Variants in ZNF217 observed in about 807,000 individuals in gnomAD.
The protein encoded by ZNF217 is zinc finger protein 217.
Under a neutral mutation model 73.3 loss-of-function variants are expected in ZNF217, and 12 were observed. The ratio of observed to expected loss-of-function variants is 0.16; its 90% CI spans 0.10 to 0.27. The LOEUF is 0.27. ZNF217 is among the 10% of genes least tolerant of loss of function. The pLI is 1.00. For missense variants in ZNF217, 1,195 were observed against 1,327.8 expected, an observed-to-expected ratio of 0.90 and a Z score of 1.55; for synonymous variants, 588 against 516.4, an observed-to-expected ratio of 1.14 and a Z score of -1.88.
At chr20:53,596,269 G>A (rs575685624), upstream of ZNF217, among the ~76,000 whole-genome samples, 4 of 151,532 alleles carry the variant, frequency 2.6e-5, no homozygotes, top group East Asian at 7.7e-4. Flanking sequence ...GCCTTATTAT[G>A]TTGTAGCTTT....
Position 53,581,198 on chromosome 20 carries a change from G to A in ZNF217, c.1366+263C>T, listed in dbSNP as rs1600722612. ...TTAAAGTGTGTTTTGTGAGCAAAAC[G>A]ATACACGTTTAAAAAATATATATAT... On this transcript the variant is annotated intron_variant, in intron 2 of 5. Transcript: ENST00000371471. The surrounding 1 kb of genome is among the most constrained non-coding windows in gnomAD (Gnocchi z 4.9). Among the ~76,000 whole-genome samples the A allele has an allele frequency of 6.6e-6, 1 of 151,926 alleles. No individual in the cohort carries two copies. The highest frequency in any genetic ancestry group is 6.6e-5 in the Admixed American group (1 of 15,224).
At chr20:53,589,606 C>A (rs559788433) in intron 1 of ZNF217, among the ~76,000 whole-genome samples, 1 of 152,224 alleles carries the variant, frequency 6.6e-6, no homozygotes, top group Non-Finnish European at 1.5e-5. Context: ...GGTCCCTGTT[C>A]TTCCACTTCC....
intron 4 of ZNF217, chr20:53,572,676 C>T (rs745599781): frequency 2.0e-5 from 3 of 152,152 alleles, no homozygotes; most frequent in Non-Finnish European, 4.4e-5. Flanking sequence ...AGAGTGTTGT[C>T]ACCACACAGA....
chr20:53,593,736 G>C lies in ZNF217; in HGVS notation c.-343+20C>G, dbSNP rs1430465673. 2 of 151,164 alleles carry C rather than the reference G, an allele frequency of 1.3e-5. No individual in the cohort carries two copies. Among genetic ancestry groups the C allele is most frequent in the Non-Finnish European group, 3.0e-5 (2 of 67,684 alleles). The allele number at this position is 151,164 out of a possible 1,614,324, so 9.4% of individuals were successfully genotyped here. ...GGCGGGCGCCCCGGCTGGCGCGGGCGGGGGGCGCGCCCCCTTTACCTGCGG... is the reference window on the plus strand; with the variant it reads ...GGCGGGCGCCCCGGCTGGCGCGGGCCGGGGGCGCGCCCCCTTTACCTGCGG... On this transcript the variant is annotated intron_variant, in intron 1 of 5. Coordinates refer to ENST00000371471, the MANE Select transcript of ZNF217 (RefSeq NM_006526.3).
intron 1 of ZNF217, among the ~76,000 whole-genome samples, chr20:53,584,692 G>A (rs1329176811): frequency 6.6e-6 from 1 of 152,184 alleles, no homozygotes; most frequent in African/African-American, 2.4e-5. Flanking sequence ...ACTATAGGAT[G>A]GCCTTTACAG....
At chr20:53,594,405 G>T (rs1261997709), upstream of ZNF217, among the ~76,000 whole-genome samples, 1 of 142,660 alleles carries the variant, frequency 7.0e-6, no homozygotes, top group African/African-American at 2.6e-5. Context: ...CCGCCCCAGC[G>T]CCCACGTGAC....
rs143915391 is a variant in ZNF217 at position 53,582,791 on chromosome 20, T to A, written c.36A>T (p.Gln12His). The change falls in exon 2 of 6, where the codon CAA (glutamine) becomes CAT (histidine). Residue 12 changes from glutamine (Q) to histidine (H), a missense_variant. Gln to His is a conservative substitution (Grantham distance 24). Around this residue, in one of 9 missense-constraint regions of ZNF217, gnomAD observed 147 missense variants for 184.3 expected, o/e 0.80. Coordinates refer to ENST00000371471, the MANE Select transcript of ZNF217 (RefSeq NM_006526.3). The surrounding 1 kb of genome is among the most constrained non-coding windows in gnomAD (Gnocchi z 4.8). The part of the protein sequence containing the change: ...QSKVTGNMPT[Q>H]SLLMYMDGPE... The stretch of plus-strand genomic sequence containing the variant: ...GCCCATCCATGTACATTAAGAGGGA[T>A]TGAGTTGGCATGTTTCCTGTCACTT... 1 of 1,609,128 alleles carries A rather than the reference T, an allele frequency of 6.2e-7. No individual in the cohort carries two copies. Among genetic ancestry groups the A allele is most frequent in the South Asian group, 1.1e-5 (1 of 90,528 alleles).
chr20:53,593,717 C>G (rs1250414744), intron 1 of ZNF217, 39 bp downstream of exon 1: 1 of 151,322 alleles, frequency 6.6e-6, no homozygotes, highest in South Asian at 2.1e-4. Context: ...ACCGGGCGGG[C>G]GCCCCGGCTG....
chr20:53,583,191 G>A (rs973046561), intron 1 of ZNF217, 23 bp from the exon 2 acceptor site: 2 of 409,140 alleles, frequency 4.9e-6, no homozygotes, highest in East Asian at 3.5e-5. Flanking sequence ...AAACAGAAAC[G>A]GTTAGCTACA....
intron 4 of ZNF217, chr20:53,575,156 C>A (rs1988199957): frequency 6.6e-6 from 1 of 152,194 alleles, no homozygotes; most frequent in Non-Finnish European, 1.5e-5. Context: ...CCAGCCCGGG[C>A]AACAAAGCAA....
At chr20:53,589,036 C>A (rs982296786) in intron 1 of ZNF217, among the ~76,000 whole-genome samples, 1 of 152,168 alleles carries the variant, frequency 6.6e-6, no homozygotes, top group Non-Finnish European at 1.5e-5. Context: ...AACTATTACT[C>A]CTAACGCTGA....
At chr20:53,589,822 C>T (rs1367530802) in intron 1 of ZNF217, among the ~76,000 whole-genome samples, 3 of 152,080 alleles carry the variant, frequency 2.0e-5, no homozygotes, top group Admixed American at 2.0e-4. Context: ...TTCCTTCACC[C>T]GAATTTAAGA....
chr20:53,569,175 A>T lies in ZNF217; in HGVS notation c.*113T>A. 2.2e-6 allele frequency: 3 copies of T among 1,347,638 alleles called. No individual in the cohort carries two copies. The highest frequency in any genetic ancestry group is 3.0e-6 in the Non-Finnish European group (3 of 1,011,928). The allele number at this position is 1,347,638 out of a possible 1,614,324, so 83.5% of individuals were successfully genotyped here. On this transcript the variant is annotated 3_prime_UTR_variant, in exon 6 of 6. Coordinates refer to ENST00000371471, the MANE Select transcript of ZNF217 (RefSeq NM_006526.3). Reference sequence around the variant, plus strand: ...TATGTTTTATGTACAGTACAATCACAGCTTATTTCAGTAGCTTTCACCATT... The same window carrying T: ...TATGTTTTATGTACAGTACAATCACTGCTTATTTCAGTAGCTTTCACCATT...
rs572472644 is a variant in ZNF217 at position 53,567,403 on chromosome 20, G to A, written c.*1885C>T. On this transcript the variant is annotated 3_prime_UTR_variant, in exon 6 of 6. Coordinates refer to ENST00000371471, the MANE Select transcript of ZNF217 (RefSeq NM_006526.3). ...ACATTCAGAAATGTGGTTAAAAAGA[G>A]AAATCTGAAAGCCCAAAAAATTCCA... The A allele has an allele frequency of 1.3e-5, 2 of 152,732 alleles. No homozygotes were observed. The highest frequency in any genetic ancestry group is 4.1e-4 in the South Asian group (2 of 4,832). 9.5% of individuals were successfully genotyped at this position (152,732 alleles called of 1,614,324 possible).
Position 53,581,548 on chromosome 20 carries a change from G to A in ZNF217, c.1279C>T (p.Pro427Ser). ...TCCACGGCTCCATTTTCATCCAGAG[G>A]GGCGGCGAGGTCAGGAGAACACGTC... ...PGTCSPDLAA[P>S]LDENGAVDRG... is the part of the protein sequence containing the mutation. Residue 427 changes from proline to serine, a missense_variant, in exon 2 of 6, where the codon CCT (proline) becomes TCT (serine). Physicochemically the swap from Pro to Ser is moderately conservative, Grantham distance 74. Coordinates refer to ENST00000371471, the MANE Select transcript of ZNF217 (RefSeq NM_006526.3). This position sits in a 1 kb window ranked among gnomAD's most constrained non-coding sequence, Gnocchi z 4.9. The A allele has an allele frequency of 6.2e-7, 1 of 1,614,210 alleles. No homozygotes were observed. Among genetic ancestry groups the A allele is most frequent in the East Asian group, 2.2e-5 (1 of 44,882 alleles).
intron 4 of ZNF217, chr20:53,572,526 G>GA (rs994883402): frequency 6.6e-6 from 1 of 152,144 alleles, no homozygotes; most frequent in Admixed American, 6.5e-5. Context: ...CATGGGGGGG[G>GA]AAATGAAGAT....
In ZNF217 at chr20:53,582,981, C is replaced by A; in HGVS notation, c.-155G>T. On this transcript the variant is annotated 5_prime_UTR_variant, in exon 2 of 6. Transcript: ENST00000371471. The surrounding 1 kb of genome is among the most constrained non-coding windows in gnomAD (Gnocchi z 4.8). ...AAAGTGTATAGTCCTCTAACTTCTT[C>A]GAACTTTTAGGAAGCTCAGTGATGG... is the stretch of plus-strand genomic sequence containing the variant. 1.3e-6 allele frequency: 1 copy of A among 775,750 alleles called. No homozygotes were observed. The highest frequency in any genetic ancestry group is 2.0e-6 in the Non-Finnish European group (1 of 508,888). The allele number at this position is 775,750 out of a possible 1,614,324, so 48.1% of individuals were successfully genotyped here.
At position 53,581,746 on chromosome 20, in the gene ZNF217, C is replaced by T. The variant is rs146782561; in HGVS notation, c.1081G>A (p.Val361Met). 3.7e-4 allele frequency: 602 copies of T among 1,614,134 alleles called. No homozygotes were observed. Among genetic ancestry groups the T allele is most frequent in the Non-Finnish European group, 4.6e-4 (542 of 1,180,046 alleles). Reference sequence around the variant, plus strand: ...CTGGGTAACTTGGGATCCGCGTCCACGGAGGGCGCTTCGCCGTGGGAGTGT... The same window carrying T: ...CTGGGTAACTTGGGATCCGCGTCCATGGAGGGCGCTTCGCCGTGGGAGTGT... ...CKHSHGEAPSVDADPKLPSSK... is the reference protein window; with the variant it reads ...CKHSHGEAPSMDADPKLPSSK... The change falls in exon 2 of 6, where the codon GTG (valine) becomes ATG (methionine). Residue 361 changes from valine to methionine, a missense_variant. Physicochemically the swap from Val to Met is conservative, Grantham distance 21. Around this residue, in one of 9 missense-constraint regions of ZNF217, gnomAD observed 102 missense variants for 91.9 expected, o/e 1.11. Transcript: ENST00000371471. This position sits in a 1 kb window ranked among gnomAD's most constrained non-coding sequence, Gnocchi z 4.9.
Position 53,593,829 on chromosome 20 carries a change from C to A in ZNF217, c.-416G>T, listed in dbSNP as rs1988975429. ...CTGAGCTGACACCACTCGGGCCGGC[C>A]GGGTTTGAATGAGGAGGAGCGGGCG... is the stretch of plus-strand genomic sequence containing the variant. On this transcript the variant is annotated 5_prime_UTR_variant, in exon 1 of 6. Transcript: ENST00000371471. 1 of 105,850 alleles carries A rather than the reference C, an allele frequency of 9.4e-6. No homozygotes were observed. Among genetic ancestry groups the A allele is most frequent in the African/African-American group, 3.7e-5 (1 of 27,166 alleles). The allele number at this position is 105,850 out of a possible 1,614,324, so 6.6% of individuals were successfully genotyped here.
Sources: gnomAD v4.1 joint callset for allele counts (sites outside exome capture counted in the v4.1 genomes callset) on GRCh38, gnomAD v4.1.1 for gene constraint, gnomAD v4.1.1 regional missense constraint, Gnocchi (gnomAD v3.1) non-coding constraint, MANE v1.5 for transcripts, NCBI Gene and HGNC (gene_info 2026-07-23, HGNC 2026-07-21) for gene names.